Variants in CHD4 observed in about 807,000 individuals in gnomAD.
CHD4 encodes the protein chromodomain helicase DNA binding protein 4, also known as ATP-dependent chromatin remodeler CHD4.
In CHD4, 35 loss-of-function variants were observed where a neutral mutation model predicts 235.5. The observed-to-expected ratio is 0.15, with a 90% confidence interval of 0.11 to 0.20. The LOEUF (loss-of-function observed/expected upper bound fraction) is 0.20. Among genes scored for constraint, CHD4 ranks in the 10% least tolerant of loss-of-function variants. The pLI, the probability that CHD4 is intolerant of heterozygous loss-of-function variation, is 1.00. For synonymous variants in CHD4, 900 were observed against 850.2 expected (o/e 1.06, Z -1.02); for missense variants, 1,329 against 2,432.3 (o/e 0.55, Z 9.54).
intron 33 of CHD4, chr12:6,579,302 T>C: frequency 3.9e-6 from 1 of 257,560 alleles, no homozygotes; most frequent in Non-Finnish European, 7.6e-6. Context: ...GTACAAAAAT[T>C]AGCCAGGCGT....
At chr12:6,582,582 C>A in intron 29 of CHD4, 33 bp downstream of exon 29, 1 of 1,588,374 alleles carries the variant, frequency 6.3e-7, no homozygotes, top group Admixed American at 1.7e-5. Context: ...GAAGCCCTTG[C>A]TCTAGATCAG....
At position 6,588,431 on chromosome 12, in the gene CHD4, A is replaced by G. The variant is rs1292024080; in HGVS notation, c.3341-9T>C. 1 of 1,612,330 alleles carries G rather than the reference A, an allele frequency of 6.2e-7. No homozygotes were observed. The highest frequency in any genetic ancestry group is 8.5e-7 in the Non-Finnish European group (1 of 1,179,510). ...CTGCTGAGCACCCGGTGCTAATAAA[A>G]GAACCAAAAACACCATTAGAAGTGT... On this transcript the variant is annotated splice_polypyrimidine_tract_variant and intron_variant, in intron 22 of 39. Transcript: ENST00000544040.
In CHD4 at chr12:6,571,104, C is replaced by T. The variant is rs1366530492; in HGVS notation, c.5558-72G>A. 8 of 1,534,460 alleles carry T rather than the reference C, an allele frequency of 5.2e-6. No individual in the cohort carries two copies. The African/African-American group carries it at 5.5e-5, about 11-fold the overall frequency. On this transcript the variant is annotated intron_variant, in intron 38 of 39. Transcript: ENST00000544040. The stretch of plus-strand genomic sequence containing the variant: ...AGCTCCCTCTACCCTAGTGGACCAG[C>T]CCCCCATCACTTCTCAGTGACCAAG...
At position 6,602,054 on chromosome 12, in the gene CHD4, T is replaced by C; in HGVS notation, c.344A>G (p.Lys115Arg). Residue 115 changes from lysine to arginine, a missense_variant, in exon 4 of 40, where the codon AAG becomes AGG. Lys to Arg is a conservative substitution (Grantham distance 26). Around this residue, in one of 26 missense-constraint regions of CHD4, gnomAD observed 213 missense variants for 177.5 expected, o/e 1.20. Coordinates refer to ENST00000544040, the MANE Select transcript of CHD4 (RefSeq NM_001273.5). ...CTTAGGTCCAAGCTTCTTCTTCTTC[T>C]TCTTGCCAGGAGTATAGTCGCTGCC... ...SEGSDYTPGK[K>R]KKKKLGPKKE... 1 of 1,613,420 alleles carries C rather than the reference T, an allele frequency of 6.2e-7. No homozygotes were observed. The highest frequency in any genetic ancestry group is 8.5e-7 in the Non-Finnish European group (1 of 1,179,898).
chr12:6,603,897 G>A (rs891248105), intron 2 of CHD4, among the ~76,000 whole-genome samples: 2 of 152,126 alleles, frequency 1.3e-5, no homozygotes, highest in Admixed American at 6.5e-5. Context: ...CTGAAGCTCA[G>A]CTTCCTCACC....
chr12:6,585,767 CGGG>C (rs1948278715), intron 25 of CHD4, among the ~76,000 whole-genome samples: 1 of 144,496 alleles, frequency 6.9e-6, no homozygotes, highest in African/African-American at 2.6e-5. Context: ...CCAGCCTGGG[CGGG>C]AAAGCAAGAC....
Position 6,601,051 on chromosome 12 carries a change from G to A in CHD4, c.802C>T (p.Pro268Ser), listed in dbSNP as rs1268339310. ...CCCTTGGGCTTCCTCCGAGCATTGG[G>A]ACCTAAAATCAGGATATATCCAAAT... ...RKAKTKEGKGPNARRKPKGSP... is the reference protein window; with the variant it reads ...RKAKTKEGKGSNARRKPKGSP... The change falls in exon 7 of 40, where the codon CCC becomes TCC. Residue 268 changes from proline to serine, a missense_variant and splice_region_variant. By Grantham distance (74) the Pro-to-Ser change is moderately conservative. This residue lies in a region of CHD4 where 160 missense variants were observed against 196.6 expected (regional missense o/e 0.81). Transcript: ENST00000544040. The A allele has an allele frequency of 1.3e-6, 2 of 1,568,058 alleles. No homozygotes were observed. The highest frequency in any genetic ancestry group is 1.7e-6 in the Non-Finnish European group (2 of 1,161,696).
chr12:6,597,781 C>CA (rs540852336), intron 12 of CHD4, 113 bp downstream of exon 12: 89 of 996,286 alleles, frequency 8.9e-5, no homozygotes, highest in East Asian at 1.7e-4. Flanking sequence ...AAAAAACAAA[C>CA]AAAAAAAACC....
chr12:6,585,518 G>A (rs888172758), intron 25 of CHD4, among the ~76,000 whole-genome samples: 12 of 151,868 alleles, frequency 7.9e-5, no homozygotes, highest in African/African-American at 2.7e-4. Context: ...TCTTGACCTC[G>A]TGATCCACCC....
At chr12:6,587,022 C>A (rs1374185366) in intron 25 of CHD4, 2 of 184,302 alleles carry the variant, frequency 1.1e-5, no homozygotes, top group Non-Finnish European at 2.2e-5. Context: ...TAAATAAAAA[C>A]CAGAAAACAC....
At position 6,578,045 on chromosome 12, in the gene CHD4, G is replaced by C; in HGVS notation, c.5212C>G (p.Leu1738Val). The C allele has an allele frequency of 6.2e-7, 1 of 1,612,724 alleles. No homozygotes were observed. The highest frequency in any genetic ancestry group is 2.2e-5 in the East Asian group (1 of 44,888). ...IWHRRHDYWL[L>V]AGIINHGYAR... is the part of the protein sequence containing the mutation. ...AAAGGATACTTTATAATGCCGGCTA[G>C]CAGCCAGTAGTCATGCCGTCGATGC... The change falls in exon 36 of 40, where the codon CTA (leucine) becomes GTA (valine). Residue 1738 changes from leucine to valine, a missense_variant. Leu to Val is a conservative substitution (Grantham distance 32, BLOSUM62 1). Around this residue, in one of 26 missense-constraint regions of CHD4, gnomAD observed 135 missense variants for 282.3 expected, o/e 0.48. Transcript: ENST00000544040.
chr12:6,590,711 G>GT (rs1948379863), intron 22 of CHD4, among the ~76,000 whole-genome samples: 1 of 152,116 alleles, frequency 6.6e-6, no homozygotes, highest in Non-Finnish European at 1.5e-5. Flanking sequence ...GCCCCAGCTA[G>GT]TTGGGAGGCT....
At chr12:6,602,204 G>A (rs1273581103) in intron 3 of CHD4, 29 bp from the exon 4 acceptor site, 2 of 1,611,248 alleles carry the variant, frequency 1.2e-6, no homozygotes, top group Non-Finnish European at 8.5e-7. Flanking sequence ...GGAAGAGGGA[G>A]ACAGACACAC....
chr12:6,596,484 A>G (rs1948498782), intron 12 of CHD4, among the ~76,000 whole-genome samples: 2 of 148,796 alleles, frequency 1.3e-5, no homozygotes, highest in East Asian at 4.0e-4. Flanking sequence ...ACCCGTCTCT[A>G]CTAAAAAAAA....
intron 1 of CHD4, 164 bp from the exon 2 acceptor site, chr12:6,606,615 G>A (rs1948705591): frequency 2.5e-6 from 1 of 395,690 alleles, no homozygotes; most frequent in Non-Finnish European, 4.5e-6. Context: ...CAGCCCGGAA[G>A]CCGGCTCCCC....
At chr12:6,580,899 C>T in intron 33 of CHD4, 145 bp downstream of exon 33, 2 of 843,458 alleles carry the variant, frequency 2.4e-6, no homozygotes, top group South Asian at 1.7e-5. Flanking sequence ...CCCAGCTCCT[C>T]GGGAGGGTGA....
chr12:6,595,147 A>T (rs1948465343), intron 14 of CHD4, among the ~76,000 whole-genome samples, 187 bp downstream of exon 14: 1 of 152,160 alleles, frequency 6.6e-6, no homozygotes, highest in African/African-American at 2.4e-5. Context: ...TGATGACAAA[A>T]GAAGAAAGTA....
At position 6,582,877 on chromosome 12, in the gene CHD4, G is replaced by A. The variant is rs1299186599; in HGVS notation, c.4207C>T (p.Leu1403=). The change falls in exon 28 of 40, where the codon CTG becomes TTG. Residue 1403 remains leucine (L), a synonymous_variant. Transcript: ENST00000544040. ...RNDKDKPLPP[L]LARVGGNIEV... ...ATATTCCCACCAACACGGGCCAACAGAGGAGGCAATGGCTTATCTTTATCA... is the reference window on the plus strand; with the variant it reads ...ATATTCCCACCAACACGGGCCAACAAAGGAGGCAATGGCTTATCTTTATCA... 1 of 1,614,026 alleles carries A rather than the reference G, an allele frequency of 6.2e-7. No homozygotes were observed. The highest frequency in any genetic ancestry group is 1.7e-5 in the Admixed American group (1 of 60,022).
chr12:6,601,916 A>G lies in CHD4; in HGVS notation c.438+44T>C, dbSNP rs1948599112. 6 of 1,602,214 alleles carry G rather than the reference A, an allele frequency of 3.7e-6. No homozygotes were observed. In the South Asian group the frequency reaches 5.5e-5, roughly 15 times the overall value. On this transcript the variant is annotated intron_variant, in intron 4 of 39. Coordinates refer to ENST00000544040, the MANE Select transcript of CHD4 (RefSeq NM_001273.5). Reference sequence around the variant, plus strand: ...AGTAAGGTGTCTAGGAAACAAAAAGACAAAAGTTTAACAGTACAAAGAAGA... The same window carrying G: ...AGTAAGGTGTCTAGGAAACAAAAAGGCAAAAGTTTAACAGTACAAAGAAGA...
Sources: gnomAD v4.1 joint callset for allele counts (sites outside exome capture counted in the v4.1 genomes callset) on GRCh38, gnomAD v4.1.1 for gene constraint, gnomAD v4.1.1 regional missense constraint, MANE v1.5 for transcripts, NCBI Gene and HGNC (gene_info 2026-07-23, HGNC 2026-07-21) for gene names.